The following MGAM variants were observed in gnomAD, a reference collection of about 807,000 sequenced individuals.
MGAM encodes alpha-1,4-glucosidase.
Under a neutral mutation model 358.8 loss-of-function variants are expected in MGAM, and 253 were observed. The observed-to-expected ratio is 0.71, with a 90% confidence interval of 0.64 to 0.78. MGAM has a LOEUF of 0.78. MGAM is among the 30% of genes least tolerant of loss of function. The pLI is 0.00. For synonymous variants in MGAM, 1,105 were observed against 1,227.1 expected, an observed-to-expected ratio of 0.90 and a Z score of 2.08; for missense variants, 3,080 against 3,432.6, an observed-to-expected ratio of 0.90 and a Z score of 2.57.
chr7:142,042,027 T>A (rs1242970404), intron 21 of MGAM, among the ~76,000 whole-genome samples: 752 of 23,350 alleles, frequency 0.032, 22 homozygotes, highest in Middle Eastern at 0.12. Flanking sequence ...ATATATATAT[T>A]ATATTATATA....
Position 142,056,950 on chromosome 7 carries a change from G to C in MGAM, c.3693+8G>C. The C allele has an allele frequency of 6.2e-7, 1 of 1,612,994 alleles. No individual in the cohort carries two copies. Among genetic ancestry groups the C allele is most frequent in the Non-Finnish European group, 8.5e-7 (1 of 1,179,204 alleles). On this transcript the variant is annotated splice_region_variant and intron_variant, in intron 30 of 70. Coordinates refer to ENST00000475668, the MANE Select transcript of MGAM (RefSeq NM_001365693.1). Reference sequence around the variant, plus strand: ...ACCCAGCAGTACACTGAGGTAGGGGGAAATCCAATTGTTTATCAAGTACTT... The same window carrying C: ...ACCCAGCAGTACACTGAGGTAGGGGCAAATCCAATTGTTTATCAAGTACTT...
chr7:142,082,295 A>T lies in MGAM; in HGVS notation c.6171+85A>T, dbSNP rs548617320. 61 of 1,450,646 alleles carry T rather than the reference A, an allele frequency of 4.2e-5. 8 individuals carry two copies. The highest frequency in any genetic ancestry group is 5.5e-5 in the Non-Finnish European group (58 of 1,059,862). 89.9% of individuals were successfully genotyped at this position (1,450,646 alleles called of 1,614,324 possible). Reference sequence around the variant, plus strand: ...TTTGGGCTTCATCTTCCCAAACTCCACTTGGTCGTCACATTCTGCTTTTAG... The same window carrying T: ...TTTGGGCTTCATCTTCCCAAACTCCTCTTGGTCGTCACATTCTGCTTTTAG... On this transcript the variant is annotated intron_variant, in intron 51 of 70. Coordinates refer to ENST00000475668, the MANE Select transcript of MGAM (RefSeq NM_001365693.1).
chr7:142,030,474 A>G lies in MGAM; in HGVS notation c.1334A>G (p.Gln445Arg). 1.2e-6 allele frequency: 2 copies of G among 1,613,722 alleles called. No homozygotes were observed. The highest frequency in any genetic ancestry group is 1.7e-6 in the Non-Finnish European group (2 of 1,179,736). Residue 445 changes from glutamine to arginine, a missense_variant, in exon 11 of 71, where the codon CAG (glutamine) becomes CGG (arginine). Physicochemically the swap from Gln to Arg is conservative, Grantham distance 43. Transcript: ENST00000475668. ...EFVNELHNNGQKLVIIVDPAI... is the reference protein window; with the variant it reads ...EFVNELHNNGRKLVIIVDPAI... ...GTCAACGAGTTACACAATAATGGAC[A>G]GAAGCTTGTCATCATTGTGGTATGT... is the stretch of plus-strand genomic sequence containing the variant.
rs1325703702 is a variant in MGAM, at chr7:142,090,182, G to A, written c.6811-1731G>A. Reference sequence around the variant, plus strand: ...CTTGAATATGCACAGGTGTAAGGTAGAGCCAGCACGTTGGAGAACGGCAGA... The same window carrying A: ...CTTGAATATGCACAGGTGTAAGGTAAAGCCAGCACGTTGGAGAACGGCAGA... On this transcript the variant is annotated intron_variant, in intron 57 of 70. Coordinates refer to ENST00000475668, the MANE Select transcript of MGAM (RefSeq NM_001365693.1). Among the ~76,000 whole-genome samples the A allele has an allele frequency of 4.8e-5, 7 of 146,064 alleles. 1 individual carries two copies. Among genetic ancestry groups the A allele is most frequent in the Admixed American group, 1.4e-4 (2 of 14,538 alleles).
chr7:142,034,979 C>A, intron 16 of MGAM, 138 bp downstream of exon 16: 2 of 816,162 alleles, frequency 2.5e-6, no homozygotes, highest in Non-Finnish European at 3.8e-6. Context: ...GTGCTTCATC[C>A]ACATCAGCAG....
intron 63 of MGAM, among the ~76,000 whole-genome samples, chr7:142,095,215 G>C (rs1245605306): frequency 1.3e-5 from 2 of 152,154 alleles, no homozygotes; most frequent in South Asian, 2.1e-4. Context: ...CGAAAGTGCT[G>C]GGATTACAGG....
At chr7:142,031,452 C>G (rs78784682) in intron 12 of MGAM, among the ~76,000 whole-genome samples, 20 of 152,094 alleles carry the variant, frequency 1.3e-4, no homozygotes, top group African/African-American at 4.6e-4. Flanking sequence ...CCTTTATCCA[C>G]GAATTTATTC....
intron 31 of MGAM, among the ~76,000 whole-genome samples, 158 bp downstream of exon 31, chr7:142,058,486 G>A (rs776766520): frequency 5.3e-5 from 8 of 152,280 alleles, no homozygotes; most frequent in Middle Eastern, 6.8e-3. Flanking sequence ...ATATAGGTAA[G>A]GGCACTTGTT....
intron 19 of MGAM, 52 bp downstream of exon 19, chr7:142,038,667 C>T: frequency 7.6e-7 from 1 of 1,316,796 alleles, no homozygotes; most frequent in African/African-American, 1.5e-5. Flanking sequence ...GTATCTGCTG[C>T]CCTGCAAACT....
chr7:142,065,958 GTTTTGTTTTGT>G, intron 40 of MGAM, 127 bp downstream of exon 40: 2 of 742,336 alleles, frequency 2.7e-6, no homozygotes, highest in South Asian at 2.1e-5. Context: ...TTTTTGTTTT[GTTTTGTTTTGT>G]TTTTTTTTTT....
At chr7:142,104,174 T>G (rs576523929) in intron 70 of MGAM, among the ~76,000 whole-genome samples, 1 of 152,154 alleles carries the variant, frequency 6.6e-6, no homozygotes, top group East Asian at 1.9e-4. Flanking sequence ...AATAAACTTA[T>G]AGAAAGTTTT....
At chr7:142,057,035 T>A in intron 30 of MGAM, 93 bp downstream of exon 30, 1 of 1,082,936 alleles carries the variant, frequency 9.2e-7, no homozygotes. Context: ...AGTTGACAAC[T>A]GGAAATATTG....
intron 1 of MGAM, among the ~76,000 whole-genome samples, chr7:142,004,939 C>A (rs923867955): frequency 3.3e-5 from 5 of 151,972 alleles, no homozygotes; most frequent in Non-Finnish European, 7.4e-5. Context: ...AAACTTAAAT[C>A]TGATAAAAAC....
intron 50 of MGAM, among the ~76,000 whole-genome samples, chr7:142,081,628 A>G (rs1481697509): frequency 6.8e-6 from 1 of 146,140 alleles, no homozygotes; most frequent in Non-Finnish European, 1.5e-5. Flanking sequence ...TGAAGGCTTC[A>G]TAAGATGTTT....
At chr7:142,073,207 A>C (rs1051938520) in intron 44 of MGAM, among the ~76,000 whole-genome samples, 1 of 146,198 alleles carries the variant, frequency 6.8e-6, no homozygotes, top group African/African-American at 2.4e-5. Flanking sequence ...CGTTCAGGTC[A>C]GGGGTTGTGA....
intron 64 of MGAM, chr7:142,095,917 C>T (rs947389868): frequency 1.2e-6 from 1 of 803,090 alleles, no homozygotes; most frequent in South Asian, 1.9e-5. Context: ...ATGAGCAAAA[C>T]TGAAATGATG....
At chr7:142,023,119 G>A (rs1448800636) in intron 7 of MGAM, among the ~76,000 whole-genome samples, 1 of 152,044 alleles carries the variant, frequency 6.6e-6, no homozygotes, top group Non-Finnish European at 1.5e-5. Context: ...AAGTACAGTG[G>A]CACAACCATG....
chr7:142,008,342 G>T (rs1554453142), intron 2 of MGAM, among the ~76,000 whole-genome samples, 164 bp from the exon 3 acceptor site: 1 of 152,192 alleles, frequency 6.6e-6, no homozygotes, highest in African/African-American at 2.4e-5. Flanking sequence ...GGTAAATACA[G>T]TCAGCAGGAA....
At chr7:142,064,358 T>C in intron 36 of MGAM, 26 bp from the exon 37 acceptor site, 1 of 1,595,378 alleles carries the variant, frequency 6.3e-7, no homozygotes, top group Non-Finnish European at 8.5e-7. Flanking sequence ...GGGCTGGGTT[T>C]CACCTCGCCA....
Sources: allele counts gnomAD v4.1 joint callset (sites outside exome capture counted in the v4.1 genomes callset), GRCh38; gene constraint gnomAD v4.1.1; transcripts MANE v1.5; gene names NCBI Gene and HGNC (gene_info 2026-07-23, HGNC 2026-07-21).